The following FAM135A variants were observed in gnomAD, a reference collection of about 807,000 sequenced individuals.
FAM135A encodes the protein family with sequence similarity 135 member A, also known as protein FAM135A.
A neutral mutation model predicts 146.8 loss-of-function variants in FAM135A; 79 were observed. The observed-to-expected ratio is 0.54, with a 90% confidence interval of 0.45 to 0.65. FAM135A has a LOEUF of 0.65. FAM135A is among the 30% of genes least tolerant of loss of function. The probability of loss-of-function intolerance (pLI) is 0.00; values close to 1 mark genes in which losing one functional copy is unlikely to be tolerated. For synonymous variants in FAM135A, 562 were observed against 603.6 expected (o/e 0.93, Z 1.01); for missense variants, 1,623 against 1,758.2 (o/e 0.92, Z 1.38).
intron 20 of FAM135A, among the ~76,000 whole-genome samples, chr6:70,552,588 C>T (rs1175970568): frequency 6.6e-6 from 1 of 151,256 alleles, no homozygotes; most frequent in Non-Finnish European, 1.5e-5. Context: ...CCTGCCTCAG[C>T]CTACCAAGTA....
intron 7 of FAM135A, among the ~76,000 whole-genome samples, chr6:70,476,598 AT>A (rs1389253570): frequency 6.6e-6 from 1 of 152,002 alleles, no homozygotes; most frequent in African/African-American, 2.4e-5. Flanking sequence ...GATGGATGGA[AT>A]TTTTTTAAGT....
intron 2 of FAM135A, among the ~76,000 whole-genome samples, chr6:70,417,394 A>G (rs1043598178): frequency 2.0e-5 from 3 of 151,394 alleles, no homozygotes; most frequent in African/African-American, 7.3e-5. Flanking sequence ...TTGTATTTTT[A>G]GTAGAGATGG....
chr6:70,533,816 G>T lies in FAM135A; in HGVS notation c.3927G>T (p.Gln1309His). ...MTDRLLDEII[Q>H]YIQIYSLTVS... The stretch of plus-strand genomic sequence containing the variant: ...ATCGTCTTTTGGATGAGATAATACA[G>T]TATATTCAGATATATAGTCTAACAG... The change falls in exon 18 of 22, where the codon CAG becomes CAT. Residue 1309 changes from glutamine (Q) to histidine (H), a missense_variant. By Grantham distance (24) the Gln-to-His change is conservative. Transcript: ENST00000418814. 1 of 1,571,976 alleles carries T rather than the reference G, an allele frequency of 6.4e-7. No homozygotes were observed. The highest frequency in any genetic ancestry group is 1.9e-5 in the Admixed American group (1 of 52,580).
intron 11 of FAM135A, among the ~76,000 whole-genome samples, chr6:70,499,574 G>T (rs753253230): frequency 7.9e-5 from 12 of 152,072 alleles, no homozygotes; most frequent in Admixed American, 6.6e-5. Flanking sequence ...TCTTCATAGT[G>T]TCATTGGTCT....
chr6:70,505,809 G>A (rs903131120), intron 12 of FAM135A, among the ~76,000 whole-genome samples: 1 of 151,848 alleles, frequency 6.6e-6, no homozygotes. Context: ...TTCTCCTTGT[G>A]TGTTTTGTTT....
chr6:70,545,058 A>G (rs1297146204), intron 20 of FAM135A, among the ~76,000 whole-genome samples: 1 of 151,982 alleles, frequency 6.6e-6, no homozygotes, highest in South Asian at 2.1e-4. Flanking sequence ...TCTCAAAAAA[A>G]AAACAAACAA....
intron 5 of FAM135A, among the ~76,000 whole-genome samples, chr6:70,463,496 G>A (rs192562662): frequency 7.0e-4 from 106 of 151,870 alleles, no homozygotes; most frequent in African/African-American, 2.4e-3. Context: ...TTGGCCTCAA[G>A]CAGTCTTCTC....
chr6:70,545,882 G>A (rs1798771758), intron 20 of FAM135A, among the ~76,000 whole-genome samples: 1 of 152,280 alleles, frequency 6.6e-6, no homozygotes, highest in African/African-American at 2.4e-5. Flanking sequence ...TTCGTGCATG[G>A]TTCACACTGC....
intron 5 of FAM135A, among the ~76,000 whole-genome samples, chr6:70,454,059 A>G (rs567945829): frequency 9.8e-4 from 149 of 152,288 alleles, no homozygotes; most frequent in Non-Finnish European, 1.8e-3. Context: ...GTTTCTCCAC[A>G]TCCTCTCTAG....
At chr6:70,545,483 C>T (rs1196561841) in intron 20 of FAM135A, among the ~76,000 whole-genome samples, 4 of 151,916 alleles carry the variant, frequency 2.6e-5, no homozygotes, top group African/African-American at 7.3e-5. Context: ...AGTGTGGTGG[C>T]GCACACCTGT....
At chr6:70,481,697 AG>A (rs1439447747) in intron 9 of FAM135A, among the ~76,000 whole-genome samples, 1 of 152,100 alleles carries the variant, frequency 6.6e-6, no homozygotes, top group Non-Finnish European at 1.5e-5. Flanking sequence ...ATAAAAGAAA[AG>A]GGGACATACT....
chr6:70,540,819 A>G (rs1797784864), intron 20 of FAM135A, among the ~76,000 whole-genome samples: 1 of 152,200 alleles, frequency 6.6e-6, no homozygotes, highest in Non-Finnish European at 1.5e-5. Context: ...TCACACAGAC[A>G]TGCAGAATCA....
At chr6:70,489,783 G>A (rs1351941195) in intron 10 of FAM135A, among the ~76,000 whole-genome samples, 1 of 152,116 alleles carries the variant, frequency 6.6e-6, no homozygotes, top group African/African-American at 2.4e-5. Flanking sequence ...TGTCTCGTTA[G>A]CATTTAAAAT....
intron 16 of FAM135A, among the ~76,000 whole-genome samples, chr6:70,532,103 C>T (rs1795935398): frequency 6.6e-6 from 1 of 151,862 alleles, no homozygotes; most frequent in African/African-American, 2.4e-5. Context: ...GTCTTGATCT[C>T]CTGACCTCGT....
intron 7 of FAM135A, 86 bp downstream of exon 7, chr6:70,475,819 C>A: frequency 9.7e-7 from 1 of 1,031,546 alleles, no homozygotes; most frequent in South Asian, 1.5e-5. Context: ...TCTTAAAATT[C>A]ATCCTATCCC....
chr6:70,540,364 GC>G (rs1562009111), intron 20 of FAM135A, among the ~76,000 whole-genome samples: 1 of 115,844 alleles, frequency 8.6e-6, no homozygotes. Context: ...TCGCTCTGCC[GC>G]CCAGGCTGGA....
chr6:70,503,679 C>T (rs1789088999), intron 12 of FAM135A: 1 of 152,106 alleles, frequency 6.6e-6, no homozygotes. Context: ...TTAGTTTTAT[C>T]ACCTATGTAT....
chr6:70,449,354 A>C (rs1776540418), intron 4 of FAM135A, among the ~76,000 whole-genome samples: 1 of 151,618 alleles, frequency 6.6e-6, no homozygotes, highest in African/African-American at 2.4e-5. Flanking sequence ...AAAACTTACT[A>C]CTCCTGTCCA....
chr6:70,496,503 T>A (rs1243987644), intron 11 of FAM135A, among the ~76,000 whole-genome samples: 1 of 152,232 alleles, frequency 6.6e-6, no homozygotes, highest in African/African-American at 2.4e-5. Flanking sequence ...CTCTTTAGTT[T>A]AATTAGATCC....
Sources: gnomAD v4.1 joint callset for allele counts (sites outside exome capture counted in the v4.1 genomes callset) on GRCh38, gnomAD v4.1.1 for gene constraint, MANE v1.5 for transcripts, NCBI Gene and HGNC (gene_info 2026-07-23, HGNC 2026-07-21) for gene names.